Variants in LMAN1 observed in about 807,000 individuals in gnomAD.
LMAN1 encodes lectin, mannose binding 1.
Under a neutral mutation model 67.8 loss-of-function variants are expected in LMAN1, and 32 were observed. The ratio of observed to expected loss-of-function variants is 0.47; its 90% CI spans 0.36 to 0.63. LMAN1 has a LOEUF of 0.63. LMAN1 is among the 30% of genes least tolerant of loss of function. The pLI is 0.00. For missense variants in LMAN1, 632 were observed against 628.2 expected (o/e 1.01, Z -0.06); for synonymous variants, 235 against 219.3 (o/e 1.07, Z -0.63).
In LMAN1 at chr18:59,334,842, AT is replaced by A. The variant is rs200015005; in HGVS notation, c.1221-1599del. Among the ~76,000 whole-genome samples the A allele has an allele frequency of 2.2e-3, 323 of 150,116 alleles. 4 individuals are homozygous for A. In the Middle Eastern group the frequency reaches 0.025, roughly 11 times the overall value. On this transcript the variant is annotated intron_variant, in intron 10 of 12. Coordinates refer to ENST00000251047, the MANE Select transcript of LMAN1 (RefSeq NM_005570.4). Reference sequence around the variant, plus strand: ...AGGCAAATATTTTCTATCTCTTTACATTTTTTTTTTGAAGCTAAATCCTAAA... The same window carrying A: ...AGGCAAATATTTTCTATCTCTTTACATTTTTTTTTGAAGCTAAATCCTAAA...
intron 10 of LMAN1, among the ~76,000 whole-genome samples, chr18:59,334,468 G>A (rs1908098246): frequency 1.3e-5 from 2 of 152,208 alleles, no homozygotes; most frequent in Admixed American, 1.3e-4. Flanking sequence ...AAAAAATGAA[G>A]AGGAGCCTAT....
At chr18:59,346,378 G>T (rs930084622) in intron 7 of LMAN1, among the ~76,000 whole-genome samples, 2 of 150,028 alleles carry the variant, frequency 1.3e-5, no homozygotes, top group African/African-American at 4.9e-5. Flanking sequence ...CTGCTGCCAT[G>T]CCCAGCTAAT....
intron 8 of LMAN1, among the ~76,000 whole-genome samples, chr18:59,344,679 A>C (rs1300706553): frequency 6.6e-6 from 1 of 152,166 alleles, no homozygotes; most frequent in Non-Finnish European, 1.5e-5. Context: ...ATGAAGGTTG[A>C]AAATTACCCA....
rs541875140 is a variant in LMAN1 at position 59,358,548 on chromosome 18, T to C, written c.214+483A>G. The stretch of plus-strand genomic sequence containing the variant: ...TGGGGTTCAAGCGAAGCATTAACCA[T>C]TGCTAACACCGGAGCAAAGAAATCG... On this transcript the variant is annotated intron_variant, in intron 1 of 12. Coordinates refer to ENST00000251047, the MANE Select transcript of LMAN1 (RefSeq NM_005570.4). Among the ~76,000 whole-genome samples, 4 of 151,950 alleles carry C rather than the reference T, an allele frequency of 2.6e-5. No homozygotes were observed. In the South Asian group the frequency reaches 8.3e-4, roughly 32 times the overall value.
chr18:59,357,224 C>G (rs531406811), intron 1 of LMAN1, among the ~76,000 whole-genome samples: 1 of 152,182 alleles, frequency 6.6e-6, no homozygotes, highest in Non-Finnish European at 1.5e-5. Context: ...TCTAGCCACA[C>G]GGCTTTAATT....
chr18:59,338,491 C>A, intron 10 of LMAN1, 66 bp downstream of exon 10: 1 of 1,292,316 alleles, frequency 7.7e-7, no homozygotes, highest in Non-Finnish European at 1.1e-6. Context: ...TGCTTGCACA[C>A]CTGAAGTCAC....
intron 4 of LMAN1, among the ~76,000 whole-genome samples, chr18:59,354,265 T>G (rs1568118288): frequency 6.6e-6 from 1 of 152,172 alleles, no homozygotes; most frequent in Non-Finnish European, 1.5e-5. Context: ...CTATAAACTT[T>G]CAAAAGTATA....
intron 10 of LMAN1, among the ~76,000 whole-genome samples, chr18:59,335,775 G>C (rs1908133147): frequency 6.6e-6 from 1 of 152,202 alleles, no homozygotes; most frequent in African/African-American, 2.4e-5. Context: ...ACTACACTAA[G>C]AAACTATCTG....
At chr18:59,355,741 TAC>T (rs1908647778) in intron 1 of LMAN1, 83 bp from the exon 2 acceptor site, 1 of 1,420,192 alleles carries the variant, frequency 7.0e-7, no homozygotes, top group Admixed American at 1.7e-5. Context: ...TAAATATACC[TAC>T]AGAGACTTAG....
intron 3 of LMAN1, 77 bp downstream of exon 3, chr18:59,355,236 A>G: frequency 1.9e-6 from 2 of 1,074,834 alleles, no homozygotes; most frequent in Admixed American, 3.9e-5. Context: ...AAAGCATTGA[A>G]TAAGCTATTA....
At position 59,331,438 on chromosome 18, in the gene LMAN1, G is replaced by T; in HGVS notation, c.1476C>A (p.Phe492Leu). ...IIFVVVQTVL[F>L]IGYIMYRSQQ... ...CTTACCTATACATGATATAACCAAT[G>T]AATAATACAGTTTGCACCACAACAA... Residue 492 changes from phenylalanine (F) to leucine (L), a missense_variant, in exon 12 of 13, where the codon TTC becomes TTA. Transcript: ENST00000251047. 1 of 1,608,298 alleles carries T rather than the reference G, an allele frequency of 6.2e-7. No individual in the cohort carries two copies. The highest frequency in any genetic ancestry group is 8.5e-7 in the Non-Finnish European group (1 of 1,175,040).
chr18:59,347,088 G>A (rs1024597628), intron 7 of LMAN1, among the ~76,000 whole-genome samples: 1 of 151,720 alleles, frequency 6.6e-6, no homozygotes, highest in Non-Finnish European at 1.5e-5. Context: ...GAAATTAGCC[G>A]GGTGTGGTGG....
intron 1 of LMAN1, among the ~76,000 whole-genome samples, chr18:59,357,037 T>TA (rs1254091413): frequency 6.6e-6 from 1 of 152,106 alleles, no homozygotes; most frequent in Non-Finnish European, 1.5e-5. Context: ...TACTTTTTTT[T>TA]TAAAGTAATG....
chr18:59,351,929 G>T (rs1908552102), intron 5 of LMAN1, among the ~76,000 whole-genome samples: 1 of 152,118 alleles, frequency 6.6e-6, no homozygotes, highest in Admixed American at 6.5e-5. Flanking sequence ...AATTAGCTTG[G>T]AATTAAGACT....
At chr18:59,331,706 A>C in intron 11 of LMAN1, 167 bp from the exon 12 acceptor site, 1 of 696,710 alleles carries the variant, frequency 1.4e-6, no homozygotes, top group Non-Finnish European at 2.4e-6. Context: ...ACTGTTTTTG[A>C]AGGAGTAGTT....
At position 59,328,239 on chromosome 18, in the gene LMAN1, A is replaced by G. The variant is rs140429006; in HGVS notation, c.*2854T>C. The G allele has an allele frequency of 2.0e-5, 3 of 152,352 alleles. No homozygotes were observed. In the East Asian group the frequency reaches 5.8e-4, roughly 29 times the overall value. The allele number at this position is 152,352 out of a possible 1,614,324, so 9.4% of individuals were successfully genotyped here. A position where few individuals can be genotyped will look rare whatever the true frequency, so the allele number is the denominator to read the frequency against. On this transcript the variant is annotated 3_prime_UTR_variant, in exon 13 of 13. Coordinates refer to ENST00000251047, the MANE Select transcript of LMAN1 (RefSeq NM_005570.4). ...ATTTCTGTTTTCCCTAAGTTATCAA[A>G]AAGTACAACTGTCTGATATAAATTG...
intron 9 of LMAN1, 22 bp from the exon 10 acceptor site, chr18:59,338,649 A>T: frequency 6.2e-7 from 1 of 1,611,092 alleles, no homozygotes; most frequent in Non-Finnish European, 8.5e-7. Context: ...AACAATGACG[A>T]GCAAGCTGAA....
intron 1 of LMAN1, among the ~76,000 whole-genome samples, chr18:59,357,089 T>C (rs1458116459): frequency 6.6e-6 from 1 of 152,160 alleles, no homozygotes; most frequent in African/African-American, 2.4e-5. Context: ...ATCAATGTAG[T>C]TACAGTGAGG....
intron 1 of LMAN1, among the ~76,000 whole-genome samples, chr18:59,357,611 C>T (rs1228383002): frequency 1.3e-5 from 2 of 152,090 alleles, no homozygotes; most frequent in Admixed American, 1.3e-4. Context: ...TGCTGAGTAA[C>T]GAAATAACTG....
Sources: gnomAD v4.1 joint callset for allele counts (sites outside exome capture counted in the v4.1 genomes callset) on GRCh38, gnomAD v4.1.1 for gene constraint, MANE v1.5 for transcripts, NCBI Gene and HGNC (gene_info 2026-07-23, HGNC 2026-07-21) for gene names.